NAPA: variants seen among roughly 807,000 people sequenced by gnomAD.
NAPA encodes the protein NSF attachment protein alpha.
A neutral mutation model predicts 48.0 loss-of-function variants in NAPA; 18 were observed. That is an observed-to-expected ratio of 0.38 (90% CI 0.26 to 0.56). NAPA has a LOEUF of 0.56. NAPA is among the 20% of genes least tolerant of loss of function. NAPA has a pLI of 0.77. For synonymous variants in NAPA, 152 were observed against 149.9 expected (o/e 1.01, Z -0.10); for missense variants, 315 against 385.0 (o/e 0.82, Z 1.52).
chr19:47,494,905 G>A (rs1968380533), intron 4 of NAPA: 1 of 152,958 alleles, frequency 6.5e-6, no homozygotes, highest in Admixed American at 6.5e-5. Context: ...TGTGGGCTCT[G>A]CCTATCCCTG....
rs548481390 is a variant in NAPA at position 47,513,210 on chromosome 19, G to C, written c.98+1633C>G. 1.1e-3 allele frequency among the ~76,000 whole-genome samples: 165 copies of C among 152,190 alleles called. No homozygotes were observed. In the Middle Eastern group the frequency reaches 0.014, roughly 13 times the overall value. ...CTCTCAACCCTACTAAGTCTTCGTG[G>C]ATCCCTTTTCTGTTCCCTTTCAGCT... On this transcript the variant is annotated intron_variant, in intron 1 of 10. Transcript: ENST00000263354.
chr19:47,492,145 G>T (rs1458483621), intron 7 of NAPA, 26 bp from the exon 8 acceptor site: 12 of 1,601,042 alleles, frequency 7.5e-6, no homozygotes, highest in Non-Finnish European at 1.0e-5. Context: ...AGTGGCACTG[G>T]TGAGCTCAGG....
intron 1 of NAPA, among the ~76,000 whole-genome samples, chr19:47,508,373 G>A (rs1419061488): frequency 6.6e-6 from 1 of 152,196 alleles, no homozygotes; most frequent in African/African-American, 2.4e-5. Flanking sequence ...GCTGCCTCCC[G>A]CCACTCTGCA....
rs1467873815 is a variant in NAPA at position 47,506,482 on chromosome 19, A to G, written c.99-2980T>C. Reference sequence around the variant, plus strand: ...TTAATCACAGGTCTGCCCACCCCACAGGTCCCCCAGCTCAGCCTTCCCTTC... The same window carrying G: ...TTAATCACAGGTCTGCCCACCCCACGGGTCCCCCAGCTCAGCCTTCCCTTC... On this transcript the variant is annotated intron_variant, in intron 1 of 10. Coordinates refer to ENST00000263354, the MANE Select transcript of NAPA (RefSeq NM_003827.4). The surrounding 1 kb of genome is among the most constrained non-coding windows in gnomAD (Gnocchi z 4.0). Among the ~76,000 whole-genome samples the G allele has an allele frequency of 6.6e-6, 1 of 152,198 alleles. No individual in the cohort carries two copies. The highest frequency in any genetic ancestry group is 1.9e-4 in the East Asian group (1 of 5,204).
At chr19:47,509,321 A>C (rs952168211) in intron 1 of NAPA, among the ~76,000 whole-genome samples, 32 of 148,424 alleles carry the variant, frequency 2.2e-4, no homozygotes, top group African/African-American at 7.9e-4. Flanking sequence ...AAATAAAATA[A>C]AATAAAATAA....
At chr19:47,492,927 C>A (rs752650158) in intron 7 of NAPA, 34 bp downstream of exon 7, 29 of 1,604,036 alleles carry the variant, frequency 1.8e-5, no homozygotes, top group Admixed American at 8.3e-5. Flanking sequence ...TGAGAGGGGG[C>A]AGGGTGGAAG....
chr19:47,492,876 T>G (rs1274925763), intron 7 of NAPA, 85 bp downstream of exon 7: 1 of 1,339,896 alleles, frequency 7.5e-7, no homozygotes, highest in South Asian at 1.2e-5. Flanking sequence ...GAGGGGTGGT[T>G]CCAGAACAAG....
chr19:47,496,254 C>T lies in NAPA; in HGVS notation c.296-658G>A, dbSNP rs117042423. 1,498 of 153,360 alleles carry T rather than the reference C, an allele frequency of 9.8e-3. 9 individuals carry two copies. The highest frequency in any genetic ancestry group is 0.016 in the Non-Finnish European group (1,097 of 68,832). 9.5% of individuals were successfully genotyped at this position (153,360 alleles called of 1,614,324 possible). ...GAGCCCTCTGCTCAGTCCCTTTAAC[C>T]TAGTCCTGCCACCCACCAGCTCCTC... On this transcript the variant is annotated intron_variant, in intron 3 of 10. Coordinates refer to ENST00000263354, the MANE Select transcript of NAPA (RefSeq NM_003827.4).
In NAPA at chr19:47,495,570, T is replaced by C. The variant is rs777333925; in HGVS notation, c.322A>G (p.Ile108Val). ...CTTACCATGTCTGTGTAGATCTCGA[T>C]TGCTCGCATCAAACAGTTAATGGCC... Reference protein sequence around the residue: ...QEAINCLMRAIEIYTDMGRFT... With the variant: ...QEAINCLMRAVEIYTDMGRFT... Residue 108 changes from isoleucine to valine, a missense_variant, in exon 4 of 11, where the codon ATC (isoleucine) becomes GTC (valine). Physicochemically the swap from Ile to Val is conservative, Grantham distance 29. Transcript: ENST00000263354. 98 of 1,601,108 alleles carry C rather than the reference T, an allele frequency of 6.1e-5. No homozygotes were observed. The highest frequency in any genetic ancestry group is 7.7e-5 in the Non-Finnish European group (90 of 1,174,770).
chr19:47,513,875 A>T (rs1599923222), intron 1 of NAPA, among the ~76,000 whole-genome samples: 1 of 126,628 alleles, frequency 7.9e-6, no homozygotes, highest in East Asian at 2.3e-4. Context: ...TTTGAGACAG[A>T]GTCTCGCTCT....
intron 1 of NAPA, among the ~76,000 whole-genome samples, chr19:47,504,239 C>T (rs1254132518): frequency 6.6e-6 from 1 of 151,648 alleles, no homozygotes; most frequent in Non-Finnish European, 1.5e-5. Context: ...ACAAAAAATA[C>T]AAAAAATTAG....
chr19:47,498,335 T>C (rs1165398430), intron 3 of NAPA, among the ~76,000 whole-genome samples: 2 of 152,162 alleles, frequency 1.3e-5, no homozygotes, highest in African/African-American at 4.8e-5. Flanking sequence ...GGGCAGAGGC[T>C]GTGGGGAGCC....
At chr19:47,490,037 T>C (rs1178676317) in intron 9 of NAPA, among the ~76,000 whole-genome samples, 2 of 150,412 alleles carry the variant, frequency 1.3e-5, no homozygotes, top group Non-Finnish European at 3.0e-5. Flanking sequence ...GGGGTGTGTG[T>C]GTTGGGTGTG....
At chr19:47,501,605 T>A (rs778524337) in intron 2 of NAPA, 5 of 152,254 alleles carry the variant, frequency 3.3e-5, no homozygotes, top group Non-Finnish European at 5.9e-5. Flanking sequence ...CCAGTGCCCA[T>A]GGGCGGAGGG....
chr19:47,495,528 A>G, intron 4 of NAPA, 22 bp downstream of exon 4: 1 of 1,613,356 alleles, frequency 6.2e-7, no homozygotes, highest in Non-Finnish European at 8.5e-7. Context: ...CGGGGGTGTC[A>G]GGACAAGCAA....
At chr19:47,487,621 G>A (rs1044188615), downstream of NAPA, 3 of 152,514 alleles carry the variant, frequency 2.0e-5, no homozygotes, top group East Asian at 5.8e-4. Flanking sequence ...TAGCAGAGGT[G>A]AGGAGGAAGA....
At position 47,500,691 on chromosome 19, in the gene NAPA, G is replaced by A. The variant is rs149533208; in HGVS notation, c.237C>T (p.His79=). ...AQLHLQLQSK[H]DAATCFVDAG... is the part of the protein sequence containing the mutation. ...CGTCCACAAAGCAGGTGGCTGCGTC[G>A]TGCTTGCTCTGGAGCTGCAGGTGCA... is the stretch of plus-strand genomic sequence containing the variant. Residue 79 remains histidine, a synonymous_variant, in exon 3 of 11, where the codon CAC becomes CAT. Coordinates refer to ENST00000263354, the MANE Select transcript of NAPA (RefSeq NM_003827.4). The A allele has an allele frequency of 1.1e-5, 17 of 1,611,970 alleles. No individual in the cohort carries two copies. Among genetic ancestry groups the A allele is most frequent in the African/African-American group, 9.4e-5 (7 of 74,862 alleles).
chr19:47,512,008 T>C (rs1968813619), intron 1 of NAPA, among the ~76,000 whole-genome samples: 1 of 152,120 alleles, frequency 6.6e-6, no homozygotes, highest in African/African-American at 2.4e-5. Flanking sequence ...CACCAGACCT[T>C]CCTTGTCTGG....
chr19:47,501,288 C>G (rs920787476), intron 2 of NAPA, among the ~76,000 whole-genome samples: 1 of 152,184 alleles, frequency 6.6e-6, no homozygotes. Context: ...CATGGGGTGG[C>G]TTCGGAGGGG....
Sources: allele counts gnomAD v4.1 joint callset (sites outside exome capture counted in the v4.1 genomes callset), GRCh38; gene constraint gnomAD v4.1.1; non-coding constraint Gnocchi (gnomAD v3.1); transcripts MANE v1.5; gene names NCBI Gene and HGNC (gene_info 2026-07-23, HGNC 2026-07-21).